CNPY3: variants seen among roughly 807,000 people sequenced by gnomAD.
CNPY3 encodes the protein canopy FGF signaling regulator 3.
Under a neutral mutation model 32.0 loss-of-function variants are expected in CNPY3, and 20 were observed. The observed-to-expected ratio is 0.63, with a 90% confidence interval of 0.44 to 0.91. The LOEUF (loss-of-function observed/expected upper bound fraction) is 0.91. Ranked by LOEUF, CNPY3 falls within the 40% of genes least tolerant of loss-of-function variation. The pLI, the probability that CNPY3 is intolerant of heterozygous loss-of-function variation, is 0.00. For missense variants in CNPY3, 299 were observed against 340.8 expected (o/e 0.88, Z 0.97); for synonymous variants, 138 against 142.9 (o/e 0.97, Z 0.24).
rs368598448 is a variant in CNPY3 at position 42,935,560 on chromosome 6, T to C, written c.276-14T>C. Reference sequence around the variant, plus strand: ...AGGAGGGGAACTCAGTTCCTCATCCTCCTGTCTTGGCAGGGACTTGCGGTT... The same window carrying C: ...AGGAGGGGAACTCAGTTCCTCATCCCCCTGTCTTGGCAGGGACTTGCGGTT... On this transcript the variant is annotated splice_polypyrimidine_tract_variant and intron_variant, in intron 2 of 5. Coordinates refer to ENST00000372836, the MANE Select transcript of CNPY3 (RefSeq NM_006586.5). 4.4e-5 allele frequency: 70 copies of C among 1,603,154 alleles called. No homozygotes were observed. The African/African-American group carries it at 9.2e-4, about 21-fold the overall frequency.
chr6:42,934,846 C>T (rs897334971), intron 2 of CNPY3, among the ~76,000 whole-genome samples: 11 of 152,172 alleles, frequency 7.2e-5, no homozygotes, highest in Admixed American at 5.9e-4. Flanking sequence ...GATTCTCAGA[C>T]GCTTGGATTT....
rs1191145332 is a variant in CNPY3, at chr6:42,938,841, G to T, written c.*50G>T. 2.0e-6 allele frequency: 3 copies of T among 1,510,036 alleles called. No homozygotes were observed. The South Asian group carries it at 4.0e-5, about 20-fold the overall frequency. 93.5% of individuals were successfully genotyped at this position (1,510,036 alleles called of 1,614,324 possible). On this transcript the variant is annotated 3_prime_UTR_variant, in exon 6 of 6. Transcript: ENST00000372836. ...AGACCCCTGATTTTGAAGCTGAGGAGTCAGGGGCATGGCTCTGGCAGGCCG... is the reference window on the plus strand; with the variant it reads ...AGACCCCTGATTTTGAAGCTGAGGATTCAGGGGCATGGCTCTGGCAGGCCG...
Position 42,938,016 on chromosome 6 carries a change from G to A in CNPY3, c.496-74G>A, listed in dbSNP as rs186632417. 3.8e-4 allele frequency: 564 copies of A among 1,487,468 alleles called. 3 individuals carry two copies. In the African/African-American group the frequency reaches 6.5e-3, roughly 17 times the overall value. The allele number at this position is 1,487,468 out of a possible 1,614,324, so 92.1% of individuals were successfully genotyped here. A position where few individuals can be genotyped will look rare whatever the true frequency, so the allele number is the denominator to read the frequency against. On this transcript the variant is annotated intron_variant, in intron 4 of 5. Transcript: ENST00000372836. ...CACTGCCTACCTTGCAGTGGGTTGC[G>A]AGGCTTAGCTGAGCTCCTCTAGGAG...
chr6:42,934,697 GCAT>G lies in CNPY3; in HGVS notation c.275+103_275+105del, dbSNP rs572301270. 1.5e-4 allele frequency: 222 copies of G among 1,523,438 alleles called. No homozygotes were observed. In the African/African-American group the frequency reaches 2.7e-3, roughly 19 times the overall value. The allele number at this position is 1,523,438 out of a possible 1,614,324, so 94.4% of individuals were successfully genotyped here. Reference sequence around the variant, plus strand: ...CTAGCTAGGCAAACCCCCTACAAGGGCATCATTTGTAACCAAGACCTGAGTTTG... The same window carrying G: ...CTAGCTAGGCAAACCCCCTACAAGGGCATTTGTAACCAAGACCTGAGTTTG... On this transcript the variant is annotated intron_variant, in intron 2 of 5. Transcript: ENST00000372836.
chr6:42,934,212 TG>T (rs1214377260), intron 1 of CNPY3, among the ~76,000 whole-genome samples: 3 of 151,402 alleles, frequency 2.0e-5, no homozygotes, highest in Non-Finnish European at 4.4e-5. Flanking sequence ...AGTAAGTACA[TG>T]CTCTTACACA....
chr6:42,934,717 C>A, intron 2 of CNPY3, 119 bp downstream of exon 2: 1 of 1,378,354 alleles, frequency 7.3e-7, no homozygotes, highest in South Asian at 1.3e-5. Context: ...TAACCAAGAC[C>A]TGAGTTTGCC....
At chr6:42,937,650 C>A in intron 3 of CNPY3, 67 bp from the exon 4 acceptor site, 1 of 1,584,980 alleles carries the variant, frequency 6.3e-7, no homozygotes, top group Non-Finnish European at 8.6e-7. Flanking sequence ...TCTTAGCCAC[C>A]ACTGGGAGAC....
At position 42,937,960 on chromosome 6, in the gene CNPY3, C is replaced by G. The variant is rs112687779; in HGVS notation, c.495+121C>G. The G allele has an allele frequency of 2.3e-5, 34 of 1,479,152 alleles. No homozygotes were observed. The African/African-American group carries it at 2.9e-4, about 13-fold the overall frequency. 91.6% of individuals were successfully genotyped at this position (1,479,152 alleles called of 1,614,324 possible). On this transcript the variant is annotated intron_variant, in intron 4 of 5. Transcript: ENST00000372836. ...GCTTTGGTCAGGTCATTTCACCTCT[C>G]TGGCCTCAGTTTCCTTAGGTGAACC...
At chr6:42,938,019 G>A (rs1350872579) in intron 4 of CNPY3, 71 bp from the exon 5 acceptor site, 2 of 1,496,572 alleles carry the variant, frequency 1.3e-6, no homozygotes, top group East Asian at 2.3e-5. Context: ...GGGTTGCGAG[G>A]CTTAGCTGAG....
intron 1 of CNPY3, among the ~76,000 whole-genome samples, chr6:42,931,906 A>G (rs1767854429): frequency 6.6e-6 from 1 of 151,234 alleles, no homozygotes; most frequent in African/African-American, 2.4e-5. Context: ...GTATTTTTGT[A>G]GAGACTGGGT....
intron 3 of CNPY3, among the ~76,000 whole-genome samples, chr6:42,937,236 T>C (rs1357490668): frequency 1.3e-5 from 2 of 152,056 alleles, no homozygotes; most frequent in East Asian, 3.8e-4. Context: ...CGATGAGGTG[T>C]GCAGAGGCAG....
chr6:42,935,134 C>G (rs1768125379), intron 2 of CNPY3, among the ~76,000 whole-genome samples: 1 of 152,138 alleles, frequency 6.6e-6, no homozygotes, highest in African/African-American at 2.4e-5. Context: ...TCCCAAAGTG[C>G]TGGGATTACA....
At chr6:42,933,752 A>G (rs1399442467) in intron 1 of CNPY3, among the ~76,000 whole-genome samples, 1 of 152,208 alleles carries the variant, frequency 6.6e-6, no homozygotes, top group Non-Finnish European at 1.5e-5. Context: ...AAATGTATAT[A>G]TTGTTGAGAT....
intron 1 of CNPY3, among the ~76,000 whole-genome samples, chr6:42,931,956 C>G (rs1300951359): frequency 2.0e-5 from 3 of 152,132 alleles, no homozygotes; most frequent in Non-Finnish European, 4.4e-5. Flanking sequence ...CTCCTGACCT[C>G]AGGTGATCCT....
Position 42,938,748 on chromosome 6 carries a change from A to G in CNPY3, c.794A>G (p.Gln265Arg). 6.2e-7 allele frequency: 1 copy of G among 1,613,764 alleles called. No homozygotes were observed. ...DPSPEEDEGI[Q>R]KASPLTHSPP... ...AGCCCCGAGGAGGATGAGGGCATCC[A>G]GAAGGCATCCCCTCTCACACACAGC... The change falls in exon 6 of 6, where the codon CAG becomes CGG. Residue 265 changes from glutamine to arginine, a missense_variant. Gln to Arg is a conservative substitution (Grantham distance 43). Transcript: ENST00000372836.
At position 42,938,615 on chromosome 6, in the gene CNPY3, C is replaced by T; in HGVS notation, c.661C>T (p.Leu221=). The T allele has an allele frequency of 6.2e-7, 1 of 1,607,952 alleles. No individual in the cohort carries two copies. The highest frequency in any genetic ancestry group is 8.5e-7 in the Non-Finnish European group (1 of 1,177,106). ...WSGKKGDTAA[L]GGKKSKKKSS... The stretch of plus-strand genomic sequence containing the variant: ...CGGCAAGAAGGGAGACACAGCTGCC[C>T]TGGGAGGGAAGAAGTCCAAGAAGAA... Residue 221 remains leucine, a synonymous_variant, in exon 6 of 6, where the codon CTG becomes TTG. Transcript: ENST00000372836.
rs1489369120 is a variant in CNPY3, at chr6:42,938,557, C to T, written c.614-11C>T. On this transcript the variant is annotated splice_polypyrimidine_tract_variant and intron_variant, in intron 5 of 5. Transcript: ENST00000372836. ...CACTTCTGTTGAGGGTCTCTCTCCT[C>T]CACACCCTAGGTTGCCTGGCAGAGC... 1.3e-6 allele frequency: 2 copies of T among 1,568,488 alleles called. No homozygotes were observed. The highest frequency in any genetic ancestry group is 1.3e-5 in the African/African-American group (1 of 74,332).
At chr6:42,931,597 G>A (rs927780807) in intron 1 of CNPY3, among the ~76,000 whole-genome samples, 1 of 152,036 alleles carries the variant, frequency 6.6e-6, no homozygotes, top group Admixed American at 6.6e-5. Flanking sequence ...CTGAACTCGG[G>A]TGATCCACCC....
upstream of CNPY3, chr6:42,929,414 G>C: frequency 5.0e-6 from 4 of 792,306 alleles, no homozygotes; most frequent in South Asian, 5.7e-5. Flanking sequence ...TTGAAGGCGG[G>C]CTGCGGCTGC....
Sources: gnomAD v4.1 joint callset for allele counts (sites outside exome capture counted in the v4.1 genomes callset) on GRCh38, gnomAD v4.1.1 for gene constraint, MANE v1.5 for transcripts, NCBI Gene and HGNC (gene_info 2026-07-23, HGNC 2026-07-21) for gene names.